FYN: variants seen among roughly 807,000 people sequenced by gnomAD.
FYN encodes tyrosine-protein kinase Fyn.
FYN carries 10 observed loss-of-function variants against 70.2 expected under a neutral mutation model. That is an observed-to-expected ratio of 0.14 (90% CI 0.09 to 0.24). FYN has a LOEUF of 0.24. Ranked by LOEUF, FYN falls within the 10% of genes least tolerant of loss-of-function variation. The pLI is 1.00. For missense variants in FYN, 319 were observed against 673.1 expected, an observed-to-expected ratio of 0.47 and a Z score of 5.82; for synonymous variants, 236 against 248.6, an observed-to-expected ratio of 0.95 and a Z score of 0.48.
chr6:111,804,254 TC>T (rs2114260121), intron 2 of FYN, among the ~76,000 whole-genome samples: 1 of 152,018 alleles, frequency 6.6e-6, no homozygotes, highest in East Asian at 1.9e-4. Flanking sequence ...AACACCCACA[TC>T]CCCTGTGATC....
intron 2 of FYN, among the ~76,000 whole-genome samples, chr6:111,786,485 C>G (rs995480175): frequency 3.3e-5 from 5 of 152,296 alleles, no homozygotes; most frequent in East Asian, 3.9e-4. Flanking sequence ...TTGGTTCCAA[C>G]TCTTTGCTAT....
At chr6:111,853,547 C>G (rs1773744401) in intron 1 of FYN, among the ~76,000 whole-genome samples, 1 of 152,098 alleles carries the variant, frequency 6.6e-6, no homozygotes. Context: ...TGGCAAAGAG[C>G]TGGATTTTAT....
intron 13 of FYN, among the ~76,000 whole-genome samples, chr6:111,669,925 A>G (rs1798193048): frequency 1.3e-5 from 2 of 151,950 alleles, no homozygotes. Flanking sequence ...AGGCAAGCAG[A>G]AGGAGCACCC....
At chr6:111,791,886 T>A (rs542338185) in intron 2 of FYN, among the ~76,000 whole-genome samples, 1 of 152,360 alleles carries the variant, frequency 6.6e-6, no homozygotes, top group African/African-American at 2.4e-5. Context: ...CAAAAATTAA[T>A]TCTGGATGAA....
rs1039389864 is a variant in FYN at position 111,661,726 on chromosome 6, G to C, written c.*13C>G. On this transcript the variant is annotated 3_prime_UTR_variant, in exon 14 of 14. Coordinates refer to ENST00000354650, the MANE Select transcript of FYN (RefSeq NM_002037.5). This position sits in a 1 kb window ranked among gnomAD's most constrained non-coding sequence, Gnocchi z 4.0. Reference sequence around the variant, plus strand: ...AGCCTCTGGGACAAGGCCTCTCTCCGCAGACCCGGGCCTTACAGGTTTTCA... The same window carrying C: ...AGCCTCTGGGACAAGGCCTCTCTCCCCAGACCCGGGCCTTACAGGTTTTCA... The C allele has an allele frequency of 1.8e-5, 29 of 1,609,726 alleles. No individual in the cohort carries two copies. The highest frequency in any genetic ancestry group is 2.7e-5 in the African/African-American group (2 of 74,810).
At position 111,694,818 on chromosome 6, in the gene FYN, T is replaced by C; in HGVS notation, c.1043-114A>G. 1 of 853,696 alleles carries C rather than the reference T, an allele frequency of 1.2e-6. No homozygotes were observed. The highest frequency in any genetic ancestry group is 2.6e-5 in the East Asian group (1 of 39,170). 52.9% of individuals were successfully genotyped at this position (853,696 alleles called of 1,614,324 possible). On this transcript the variant is annotated intron_variant, in intron 10 of 13. Coordinates refer to ENST00000354650, the MANE Select transcript of FYN (RefSeq NM_002037.5). The surrounding 1 kb of genome is among the most constrained non-coding windows in gnomAD (Gnocchi z 5.0). Reference sequence around the variant, plus strand: ...AAGGTAGTCAAATGGAATAATGCCATCCACATGGGGGGACAAAAAGGTTTA... The same window carrying C: ...AAGGTAGTCAAATGGAATAATGCCACCCACATGGGGGGACAAAAAGGTTTA...
At chr6:111,864,997 T>C (rs976826128) in intron 1 of FYN, among the ~76,000 whole-genome samples, 2 of 152,184 alleles carry the variant, frequency 1.3e-5, no homozygotes, top group African/African-American at 4.8e-5. Context: ...ATTATTTCTA[T>C]GGTGTATTCA....
chr6:111,751,033 T>G (rs909550732), intron 3 of FYN, among the ~76,000 whole-genome samples: 2 of 152,200 alleles, frequency 1.3e-5, no homozygotes, highest in Non-Finnish European at 1.5e-5. Flanking sequence ...AGAGTCACAC[T>G]GGAAAAAAAC....
At chr6:111,789,516 G>C (rs1771530663) in intron 2 of FYN, among the ~76,000 whole-genome samples, 1 of 152,002 alleles carries the variant, frequency 6.6e-6, no homozygotes, top group Admixed American at 6.6e-5. Context: ...TTTATTTGGG[G>C]AATAAATAAA....
chr6:111,670,026 G>C (rs1798196459), intron 13 of FYN, among the ~76,000 whole-genome samples: 1 of 152,118 alleles, frequency 6.6e-6, no homozygotes, highest in Admixed American at 6.5e-5. Flanking sequence ...GAGCCACAAA[G>C]AGAGACCTGC....
chr6:111,808,879 T>C (rs1327932501), intron 2 of FYN, among the ~76,000 whole-genome samples: 1 of 152,212 alleles, frequency 6.6e-6, no homozygotes, highest in Non-Finnish European at 1.5e-5. Flanking sequence ...AATTCACAAA[T>C]GTTCTTATCA....
chr6:111,825,633 T>C (rs1316727591), intron 2 of FYN, among the ~76,000 whole-genome samples: 1 of 152,202 alleles, frequency 6.6e-6, no homozygotes, highest in Non-Finnish European at 1.5e-5. Flanking sequence ...AGGCTTACTC[T>C]TCCCAGCTGC....
chr6:111,723,229 T>C (rs993041117), intron 3 of FYN, among the ~76,000 whole-genome samples: 7 of 152,176 alleles, frequency 4.6e-5, no homozygotes, highest in Non-Finnish European at 4.4e-5. Flanking sequence ...GCAGCTTATC[T>C]ATAATTTTAT....
intron 13 of FYN, among the ~76,000 whole-genome samples, chr6:111,673,322 C>T (rs2128409146): frequency 6.6e-6 from 1 of 152,218 alleles, no homozygotes; most frequent in South Asian, 2.1e-4. Context: ...CTGACTTACA[C>T]CCGCATCTCT....
intron 3 of FYN, chr6:111,741,040 G>A (rs1232483564): frequency 1.3e-5 from 2 of 151,838 alleles, no homozygotes; most frequent in East Asian, 3.9e-4. Context: ...GAGGCAGGAA[G>A]GCAGAGATTG....
chr6:111,741,211 C>T (rs1444410308), intron 3 of FYN: 1 of 152,034 alleles, frequency 6.6e-6, no homozygotes, highest in Non-Finnish European at 1.5e-5. Context: ...ATTTAACAAT[C>T]TCAGAAATGG....
intron 1 of FYN, among the ~76,000 whole-genome samples, chr6:111,851,325 T>C (rs1247765088): frequency 2.6e-5 from 4 of 152,350 alleles, no homozygotes; most frequent in South Asian, 2.1e-4. Flanking sequence ...TACACGCTCA[T>C]TGAAGATTTG....
chr6:111,789,986 G>C (rs773408477), intron 2 of FYN, among the ~76,000 whole-genome samples: 2 of 152,122 alleles, frequency 1.3e-5, no homozygotes, highest in Admixed American at 6.5e-5. Context: ...AGAGCCCCTT[G>C]AGTTTAGGTT....
At chr6:111,840,312 G>C (rs979767759) in intron 2 of FYN, among the ~76,000 whole-genome samples, 4 of 152,154 alleles carry the variant, frequency 2.6e-5, no homozygotes, top group Non-Finnish European at 5.9e-5. Context: ...GGCTCTAAAA[G>C]CCATCCCAGG....
Sources: allele counts gnomAD v4.1 joint callset (sites outside exome capture counted in the v4.1 genomes callset), GRCh38; gene constraint gnomAD v4.1.1; non-coding constraint Gnocchi (gnomAD v3.1); transcripts MANE v1.5; gene names NCBI Gene and HGNC (gene_info 2026-07-23, HGNC 2026-07-21).